CD44: variants seen among roughly 807,000 people sequenced by gnomAD.
CD44 encodes the protein CD44 molecule (IN blood group).
Under a neutral mutation model 88.8 loss-of-function variants are expected in CD44, and 49 were observed. The observed-to-expected ratio is 0.55, with a 90% CI of 0.44 to 0.70. The LOEUF is 0.70. Ranked by LOEUF, CD44 falls within the 30% of genes least tolerant of loss-of-function variation. The probability of loss-of-function intolerance (pLI) is 0.00; values close to 1 mark genes in which losing one functional copy is unlikely to be tolerated. For synonymous variants in CD44, 325 were observed against 312.3 expected (o/e 1.04, Z -0.43); for missense variants, 883 against 913.8 (o/e 0.97, Z 0.43).
chr11:35,191,335 G>T (rs576858635), intron 5 of CD44, among the ~76,000 whole-genome samples: 21 of 152,272 alleles, frequency 1.4e-4, no homozygotes, highest in Admixed American at 1.4e-3. Context: ...TAGGCTTGGG[G>T]TTCCCATCAC....
In CD44 at chr11:35,211,454, T is replaced by C; in HGVS notation, c.1810+5T>C. 6.2e-7 allele frequency: 1 copy of C among 1,609,814 alleles called. No homozygotes were observed. The stretch of plus-strand genomic sequence containing the variant: ...ATGTCAATCGTTCCTTATCAGGTAA[T>C]TTGGCATTTATTATCTAGTTTGCTT... On this transcript the variant is annotated splice_donor_5th_base_variant and intron_variant, in intron 14 of 17. Coordinates refer to ENST00000428726, the MANE Select transcript of CD44 (RefSeq NM_000610.4).
chr11:35,167,869 G>A (rs772311909), intron 1 of CD44, among the ~76,000 whole-genome samples: 8 of 152,236 alleles, frequency 5.3e-5, no homozygotes, highest in Non-Finnish European at 8.8e-5. Context: ...ATTGTAGAGA[G>A]AGCATTCAGG....
chr11:35,158,693 GA>G, intron 1 of CD44, among the ~76,000 whole-genome samples: 2 of 152,200 alleles, frequency 1.3e-5, no homozygotes, highest in Non-Finnish European at 2.9e-5. Context: ...CCATTTCTGG[GA>G]AAAACATTAG....
chr11:35,185,152 T>G (rs1945530911), intron 3 of CD44, among the ~76,000 whole-genome samples: 1 of 152,062 alleles, frequency 6.6e-6, no homozygotes, highest in African/African-American at 2.4e-5. Context: ...GAAGAAGAAA[T>G]GAGAGCAAGA....
intron 1 of CD44, among the ~76,000 whole-genome samples, chr11:35,176,281 A>G (rs1292997800): frequency 6.6e-6 from 1 of 151,788 alleles, no homozygotes; most frequent in East Asian, 1.9e-4. Context: ...TGACCTTGTG[A>G]TCCGCCCGCC....
At chr11:35,209,602 T>A (rs1001392947) in intron 12 of CD44, among the ~76,000 whole-genome samples, 1 of 152,120 alleles carries the variant, frequency 6.6e-6, no homozygotes, top group African/African-American at 2.4e-5. Context: ...GATAGGAGCA[T>A]TGGGATTCAA....
intron 1 of CD44, among the ~76,000 whole-genome samples, chr11:35,149,271 G>T (rs1441093316): frequency 6.6e-6 from 1 of 152,190 alleles, no homozygotes. Flanking sequence ...AAACCTCCCA[G>T]ACTAAAAATC....
chr11:35,217,100 A>G (rs1366126899), intron 15 of CD44, among the ~76,000 whole-genome samples: 1 of 149,700 alleles, frequency 6.7e-6, no homozygotes, highest in African/African-American at 2.4e-5. Flanking sequence ...ACAAGGCAAG[A>G]CCTGCTATCT....
chr11:35,167,339 C>T (rs187811686), intron 1 of CD44, among the ~76,000 whole-genome samples: 1 of 151,978 alleles, frequency 6.6e-6, no homozygotes, highest in East Asian at 1.9e-4. Flanking sequence ...CTCGGCTATC[C>T]TTGATTTTAT....
At chr11:35,216,386 CT>C (rs1249025680) in intron 15 of CD44, among the ~76,000 whole-genome samples, 1 of 152,134 alleles carries the variant, frequency 6.6e-6, no homozygotes, top group Non-Finnish European at 1.5e-5. Context: ...ATTGTCTCCC[CT>C]TTTTATGCCC....
chr11:35,206,304 CTA>C, intron 11 of CD44, 61 bp downstream of exon 11: 1 of 1,497,022 alleles, frequency 6.7e-7, no homozygotes, highest in Non-Finnish European at 9.0e-7. Context: ...TGACTGCTGA[CTA>C]TTTTTCTAGA....
chr11:35,200,173 A>G (rs1372065117), intron 7 of CD44, among the ~76,000 whole-genome samples: 2 of 152,074 alleles, frequency 1.3e-5, no homozygotes, highest in African/African-American at 2.4e-5. Context: ...AATAGAGCTG[A>G]CAGTATTATA....
intron 12 of CD44, among the ~76,000 whole-genome samples, chr11:35,208,537 C>T (rs1274131530): frequency 3.3e-5 from 5 of 152,154 alleles, no homozygotes; most frequent in Non-Finnish European, 7.3e-5. Context: ...TTTTAACTGA[C>T]CATTTCCTTT....
At chr11:35,148,226 T>A (rs982769838) in intron 1 of CD44, among the ~76,000 whole-genome samples, 2 of 152,180 alleles carry the variant, frequency 1.3e-5, no homozygotes, top group African/African-American at 2.4e-5. Context: ...GAGTAGCTAC[T>A]ACATGCCAAT....
At chr11:35,158,829 G>T (rs911706713) in intron 1 of CD44, among the ~76,000 whole-genome samples, 1 of 152,242 alleles carries the variant, frequency 6.6e-6, no homozygotes, top group African/African-American at 2.4e-5. Context: ...CGGGAAGCAG[G>T]ATTATTGCTG....
intron 3 of CD44, among the ~76,000 whole-genome samples, chr11:35,186,282 G>A (rs1244439487): frequency 6.6e-6 from 1 of 152,130 alleles, no homozygotes; most frequent in East Asian, 1.9e-4. Context: ...TAAATTCTTT[G>A]TTGTGATTAT....
At chr11:35,181,365 T>C (rs1944970798) in intron 3 of CD44, among the ~76,000 whole-genome samples, 1 of 152,192 alleles carries the variant, frequency 6.6e-6, no homozygotes, top group African/African-American at 2.4e-5. Flanking sequence ...ATGAGCCTTA[T>C]TCAAGTCCTA....
rs141079844 is a variant in CD44, at chr11:35,219,878, G to A, written c.1945+491G>A. ...TTCCCCAACTAATTTTTTTTTGGTCGAGGGACCGCCTGCTGATGTGGACAG... is the reference window on the plus strand; with the variant it reads ...TTCCCCAACTAATTTTTTTTTGGTCAAGGGACCGCCTGCTGATGTGGACAG... On this transcript the variant is annotated intron_variant, in intron 16 of 17. Coordinates refer to ENST00000428726, the MANE Select transcript of CD44 (RefSeq NM_000610.4). 1.7e-3 allele frequency among the ~76,000 whole-genome samples: 259 copies of A among 152,104 alleles called. 1 individual carries two copies. Among genetic ancestry groups the A allele is most frequent in the African/African-American group, 5.8e-3 (240 of 41,516 alleles).
chr11:35,190,196 A>G, intron 5 of CD44, 131 bp downstream of exon 5: 1 of 763,886 alleles, frequency 1.3e-6, no homozygotes, highest in South Asian at 1.7e-5. Flanking sequence ...GATGCCATTC[A>G]GGGAGGTGGG....
Sources: allele counts gnomAD v4.1 joint callset (sites outside exome capture counted in the v4.1 genomes callset), GRCh38; gene constraint gnomAD v4.1.1; transcripts MANE v1.5; gene names NCBI Gene and HGNC (gene_info 2026-07-23, HGNC 2026-07-21).